COL9A2: variants seen among roughly 807,000 people sequenced by gnomAD.
The protein encoded by COL9A2 is collagen type IX alpha 2 chain.
A neutral mutation model predicts 111.6 loss-of-function variants in COL9A2; 66 were observed. That is an observed-to-expected ratio of 0.59 (90% CI 0.48 to 0.73). The LOEUF is 0.73. Among genes scored for constraint, COL9A2 ranks in the 30% least tolerant of loss-of-function variants. The probability of loss-of-function intolerance (pLI) is 0.00; values close to 1 mark genes in which losing one functional copy is unlikely to be tolerated. For missense variants in COL9A2, 881 were observed against 954.1 expected (o/e 0.92, Z 1.01); for synonymous variants, 353 against 364.1 (o/e 0.97, Z 0.35).
rs1011802487 is a variant in COL9A2, at chr1:40,304,269, C to T, written c.1287+51G>A. On this transcript the variant is annotated intron_variant, in intron 24 of 31. Coordinates refer to ENST00000372748, the MANE Select transcript of COL9A2 (RefSeq NM_001852.4). Reference sequence around the variant, plus strand: ...GGATCTGAGTCCTGCCGACCCCACTCCCCCTGTTATAGGGCCCCTTTCCCA... The same window carrying T: ...GGATCTGAGTCCTGCCGACCCCACTTCCCCTGTTATAGGGCCCCTTTCCCA... 1.9e-6 allele frequency: 3 copies of T among 1,545,206 alleles called. No homozygotes were observed. The African/African-American group carries it at 4.1e-5, about 21-fold the overall frequency.
intron 2 of COL9A2, 143 bp downstream of exon 2, chr1:40,315,447 T>C: frequency 4.1e-6 from 6 of 1,452,270 alleles, no homozygotes; most frequent in East Asian, 5.1e-5. Context: ...GGCGTCCTTG[T>C]GGTGCGGGCC....
intron 24 of COL9A2, 22 bp downstream of exon 24, chr1:40,304,287 CTTTCCCAGGTG>C (rs753299229): frequency 6.1e-5 from 95 of 1,551,600 alleles, no homozygotes; most frequent in Middle Eastern, 3.4e-4. Flanking sequence ...TATAGGGCCC[CTTTCCCAGGTG>C]TTTCCCAGCC....
rs60635892 is a variant in COL9A2, at chr1:40,312,179, G to A, written c.364-67C>T. On this transcript the variant is annotated intron_variant, in intron 7 of 31. Transcript: ENST00000372748. This position sits in a 1 kb window ranked among gnomAD's most constrained non-coding sequence, Gnocchi z 6.0. ...CAGATACCCTGGGCACAAAGGTAGA[G>A]ACAGGCACCCAAAGCCCGTTTCTCC... is the stretch of plus-strand genomic sequence containing the variant. The A allele has an allele frequency of 9.5e-4, 1,298 of 1,368,682 alleles. 14 individuals are homozygous for A. In the African/African-American group the frequency reaches 0.017, roughly 17 times the overall value. 84.8% of individuals were successfully genotyped at this position (1,368,682 alleles called of 1,614,324 possible). A position where few individuals can be genotyped will look rare whatever the true frequency, so the allele number is the denominator to read the frequency against.
chr1:40,306,314 C>T, intron 19 of COL9A2, 127 bp from the exon 20 acceptor site: 1 of 992,864 alleles, frequency 1.0e-6, no homozygotes. Flanking sequence ...AAGGTCCAGC[C>T]ACGGCATGAT....
chr1:40,315,379 C>T, intron 2 of COL9A2: 1 of 1,389,810 alleles, frequency 7.2e-7, no homozygotes, highest in Non-Finnish European at 9.3e-7. Flanking sequence ...CCTTGTCTGT[C>T]GGCGGCTATA....
intron 2 of COL9A2, 77 bp downstream of exon 2, chr1:40,315,513 A>ACCCCC: frequency 7.6e-7 from 1 of 1,310,268 alleles, no homozygotes; most frequent in East Asian, 2.7e-5. Flanking sequence ...CGAAGTCCCC[A>ACCCCC]CCCCCACCAC....
Position 40,312,213 on chromosome 1 carries a change from T to A in COL9A2, c.364-101A>T. 3 of 214,654 alleles carry A rather than the reference T, an allele frequency of 1.4e-5. No individual in the cohort carries two copies. Among genetic ancestry groups the A allele is most frequent in the Non-Finnish European group, 2.2e-5 (3 of 138,452 alleles). The allele number at this position is 214,654 out of a possible 1,614,324, so 13.3% of individuals were successfully genotyped here. The stretch of plus-strand genomic sequence containing the variant: ...CCAAAGCCCGTTTCTCCACTTTTAC[T>A]TTTTTTTTTTTTTTGCCAACCCCAG... On this transcript the variant is annotated intron_variant, in intron 7 of 31. Coordinates refer to ENST00000372748, the MANE Select transcript of COL9A2 (RefSeq NM_001852.4). This position sits in a 1 kb window ranked among gnomAD's most constrained non-coding sequence, Gnocchi z 6.0.
chr1:40,303,742 G>A lies in COL9A2; in HGVS notation c.1401+65C>T, dbSNP rs1412900379. The A allele has an allele frequency of 5.8e-6, 9 of 1,544,748 alleles. No homozygotes were observed. The highest frequency in any genetic ancestry group is 7.0e-6 in the Non-Finnish European group (8 of 1,143,154). On this transcript the variant is annotated intron_variant, in intron 27 of 31. Transcript: ENST00000372748. This position sits in a 1 kb window ranked among gnomAD's most constrained non-coding sequence, Gnocchi z 4.6. ...GCGCCCGGGTGGGCGAGAGTGGGGG[G>A]TGGGGGTCGAGGAAGGGAGTGGCCG...
In COL9A2 at chr1:40,307,698, C is replaced by A. The variant is rs753846666; in HGVS notation, c.954+5G>T. 6.2e-7 allele frequency: 1 copy of A among 1,614,150 alleles called. No individual in the cohort carries two copies. The highest frequency in any genetic ancestry group is 1.7e-5 in the Admixed American group (1 of 60,018). On this transcript the variant is annotated splice_donor_5th_base_variant and intron_variant, in intron 18 of 31. Coordinates refer to ENST00000372748, the MANE Select transcript of COL9A2 (RefSeq NM_001852.4). This position sits in a 1 kb window ranked among gnomAD's most constrained non-coding sequence, Gnocchi z 4.8. ...CCCCAGTCCCATCAGCAGCCCCACT[C>A]CTACCTTCATGCCAGGCGTGCCTGG...
Position 40,316,524 on chromosome 1 carries a change from C to T in COL9A2, c.75+599G>A. On this transcript the variant is annotated intron_variant, in intron 1 of 31. Transcript: ENST00000372748. The surrounding 1 kb of genome is among the most constrained non-coding windows in gnomAD (Gnocchi z 5.5). Reference sequence around the variant, plus strand: ...CTTAAAAGGCGGCCCTTTTAAGAGGCCAGCTCGGACCCAGGCAGGGGTCCC... The same window carrying T: ...CTTAAAAGGCGGCCCTTTTAAGAGGTCAGCTCGGACCCAGGCAGGGGTCCC... 1 of 443,760 alleles carries T rather than the reference C, an allele frequency of 2.3e-6. No homozygotes were observed. The highest frequency in any genetic ancestry group is 1.6e-5 in the South Asian group (1 of 63,232). The allele number at this position is 443,760 out of a possible 1,614,324, so 27.5% of individuals were successfully genotyped here.
Position 40,311,933 on chromosome 1 carries a change from G to T in COL9A2, c.417+126C>A. On this transcript the variant is annotated intron_variant, in intron 8 of 31. Coordinates refer to ENST00000372748, the MANE Select transcript of COL9A2 (RefSeq NM_001852.4). This position sits in a 1 kb window ranked among gnomAD's most constrained non-coding sequence, Gnocchi z 5.1. ...GGGTGGGCTCATAGGAGGGGTTTCT[G>T]CCCCAGACCTGGAGGAGTTTCCCAG... is the stretch of plus-strand genomic sequence containing the variant. 1.7e-6 allele frequency: 2 copies of T among 1,150,316 alleles called. No homozygotes were observed. Among genetic ancestry groups the T allele is most frequent in the Non-Finnish European group, 2.6e-6 (2 of 782,480 alleles). 71.3% of individuals were successfully genotyped at this position (1,150,316 alleles called of 1,614,324 possible). A position where few individuals can be genotyped will look rare whatever the true frequency, so the allele number is the denominator to read the frequency against.
chr1:40,312,213 T>C lies in COL9A2; in HGVS notation c.364-101A>G. Reference sequence around the variant, plus strand: ...CCAAAGCCCGTTTCTCCACTTTTACTTTTTTTTTTTTTTTGCCAACCCCAG... The same window carrying C: ...CCAAAGCCCGTTTCTCCACTTTTACCTTTTTTTTTTTTTTGCCAACCCCAG... On this transcript the variant is annotated intron_variant, in intron 7 of 31. Coordinates refer to ENST00000372748, the MANE Select transcript of COL9A2 (RefSeq NM_001852.4). This position sits in a 1 kb window ranked among gnomAD's most constrained non-coding sequence, Gnocchi z 6.0. 4.7e-6 allele frequency: 1 copy of C among 214,660 alleles called. No individual in the cohort carries two copies. The highest frequency in any genetic ancestry group is 7.2e-6 in the Non-Finnish European group (1 of 138,458). The allele number at this position is 214,660 out of a possible 1,614,324, so 13.3% of individuals were successfully genotyped here.
At position 40,312,686 on chromosome 1, in the gene COL9A2, G is replaced by A. The variant is rs771185878; in HGVS notation, c.303+45C>T. ...TTCCTCTCTACAGCCACTCCCAAAC[G>A]CTGGCCCTAGATTGCCCACGCTGAG... On this transcript the variant is annotated intron_variant, in intron 5 of 31. Coordinates refer to ENST00000372748, the MANE Select transcript of COL9A2 (RefSeq NM_001852.4). This position sits in a 1 kb window ranked among gnomAD's most constrained non-coding sequence, Gnocchi z 6.0. The A allele has an allele frequency of 1.1e-5, 17 of 1,582,604 alleles. No individual in the cohort carries two copies. The highest frequency in any genetic ancestry group is 6.9e-5 in the East Asian group (3 of 43,472).
chr1:40,311,175 G>A lies in COL9A2; in HGVS notation c.577-29C>T. The A allele has an allele frequency of 1.2e-6, 2 of 1,614,186 alleles. No homozygotes were observed. The highest frequency in any genetic ancestry group is 2.2e-5 in the East Asian group (1 of 44,876). ...AAGGGAAGGAGAGAGCTCAATACGAGGTCCCCTCCTGTCACCTGCACCACC... is the reference window on the plus strand; with the variant it reads ...AAGGGAAGGAGAGAGCTCAATACGAAGTCCCCTCCTGTCACCTGCACCACC... On this transcript the variant is annotated intron_variant, in intron 11 of 31. Coordinates refer to ENST00000372748, the MANE Select transcript of COL9A2 (RefSeq NM_001852.4). This position sits in a 1 kb window ranked among gnomAD's most constrained non-coding sequence, Gnocchi z 5.1.
Position 40,317,118 on chromosome 1 carries a change from C to T in COL9A2, c.75+5G>A, listed in dbSNP as rs761242620. 4.5e-6 allele frequency: 7 copies of T among 1,570,360 alleles called. No homozygotes were observed. Among genetic ancestry groups the T allele is most frequent in the Non-Finnish European group, 2.6e-6 (3 of 1,158,170 alleles). On this transcript the variant is annotated splice_donor_5th_base_variant and intron_variant, in intron 1 of 31. Coordinates refer to ENST00000372748, the MANE Select transcript of COL9A2 (RefSeq NM_001852.4). This position sits in a 1 kb window ranked among gnomAD's most constrained non-coding sequence, Gnocchi z 4.3. ...CCCTGGCAGCGGAGGGGCTGCGAAA[C>T]TTACAATCTGCGCCAGAGCGAGCAC...
In COL9A2 at chr1:40,307,272, A is replaced by G. The variant is rs1232827182; in HGVS notation, c.1008+174T>C. Among the ~76,000 whole-genome samples, 3 of 152,244 alleles carry G rather than the reference A, an allele frequency of 2.0e-5. No individual in the cohort carries two copies. The highest frequency in any genetic ancestry group is 3.8e-4 in the East Asian group (2 of 5,202). On this transcript the variant is annotated intron_variant, in intron 19 of 31. Transcript: ENST00000372748. This position sits in a 1 kb window ranked among gnomAD's most constrained non-coding sequence, Gnocchi z 4.8. ...GCCAACATGGAGGACTGGAATGGCC[A>G]AAGAGAAGGCTAGAGTAATTGTCCA...
Position 40,302,811 on chromosome 1 carries a change from T to C in COL9A2, c.1604-2A>G. ...TCACGGCGACCTCTGCCAGTTGCTC[T>C]GGAGGGAGGGAGGGAGGGAGGGAGA... On this transcript the variant is annotated splice_acceptor_variant, in intron 29 of 31. Transcript: ENST00000372748. LOFTEE classifies it high-confidence loss of function. The surrounding 1 kb of genome is among the most constrained non-coding windows in gnomAD (Gnocchi z 4.5). 2 of 554,870 alleles carry C rather than the reference T, an allele frequency of 3.6e-6. No homozygotes were observed. Among genetic ancestry groups the C allele is most frequent in the South Asian group, 3.1e-5 (2 of 64,326 alleles). The allele number at this position is 554,870 out of a possible 1,614,324, so 34.4% of individuals were successfully genotyped here.
rs962569332 is a variant in COL9A2, at chr1:40,300,795, T to A, written c.*387A>T. On this transcript the variant is annotated 3_prime_UTR_variant, in exon 32 of 32. Coordinates refer to ENST00000372748, the MANE Select transcript of COL9A2 (RefSeq NM_001852.4). This position sits in a 1 kb window ranked among gnomAD's most constrained non-coding sequence, Gnocchi z 4.4. ...TGGTCCTCAAGCTGAGGGGTGGAACTGTAGCTGGGCAGGGCCCGGGCCTCC... is the reference window on the plus strand; with the variant it reads ...TGGTCCTCAAGCTGAGGGGTGGAACAGTAGCTGGGCAGGGCCCGGGCCTCC... 1 of 205,038 alleles carries A rather than the reference T, an allele frequency of 4.9e-6. No individual in the cohort carries two copies. Among genetic ancestry groups the A allele is most frequent in the African/African-American group, 2.3e-5 (1 of 43,194 alleles). 12.7% of individuals were successfully genotyped at this position (205,038 alleles called of 1,614,324 possible).
At position 40,303,873 on chromosome 1, in the gene COL9A2, C is replaced by A. The variant is rs1643960564; in HGVS notation, c.1369-34G>T. 1 of 1,549,146 alleles carries A rather than the reference C, an allele frequency of 6.5e-7. No homozygotes were observed. The highest frequency in any genetic ancestry group is 8.7e-7 in the Non-Finnish European group (1 of 1,146,722). On this transcript the variant is annotated intron_variant, in intron 26 of 31. Transcript: ENST00000372748. The surrounding 1 kb of genome is among the most constrained non-coding windows in gnomAD (Gnocchi z 4.6). Reference sequence around the variant, plus strand: ...ACAAGGAGCAGCGGTCACGAAGCCGCGGGGACCCCGGGGCCAGCCGCCGCT... The same window carrying A: ...ACAAGGAGCAGCGGTCACGAAGCCGAGGGGACCCCGGGGCCAGCCGCCGCT...
Sources: gnomAD v4.1 joint callset for allele counts (sites outside exome capture counted in the v4.1 genomes callset) on GRCh38, gnomAD v4.1.1 for gene constraint, Gnocchi (gnomAD v3.1) non-coding constraint, MANE v1.5 for transcripts, NCBI Gene and HGNC (gene_info 2026-07-23, HGNC 2026-07-21) for gene names.